CTIF: variants seen among roughly 807,000 people sequenced by gnomAD.
The protein encoded by CTIF is CBP80/20-dependent translation initiation factor.
In CTIF, 21 loss-of-function variants were observed where a neutral mutation model predicts 66.0. The ratio of observed to expected loss-of-function variants is 0.32; its 90% CI spans 0.23 to 0.46. CTIF has a LOEUF of 0.46. Among genes scored for constraint, CTIF ranks in the 20% least tolerant of loss-of-function variants. The probability of loss-of-function intolerance (pLI) is 1.00; values close to 1 mark genes in which losing one functional copy is unlikely to be tolerated. For synonymous variants in CTIF, 345 were observed against 326.4 expected (o/e 1.06, Z -0.62); for missense variants, 739 against 812.7 (o/e 0.91, Z 1.10).
intron 1 of CTIF, among the ~76,000 whole-genome samples, chr18:48,607,826 T>A (rs917268884): frequency 4.6e-5 from 7 of 152,236 alleles, no homozygotes; most frequent in African/African-American, 1.4e-4. Context: ...TGACACCATC[T>A]TCTATAATAG....
At chr18:48,620,977 GA>G (rs71165338) in intron 2 of CTIF, among the ~76,000 whole-genome samples, 19,672 of 147,984 alleles carry the variant, frequency 0.13, 1,526 homozygotes, top group Non-Finnish European at 0.18. Flanking sequence ...TCCTGAGGGA[GA>G]AAAAAAAAAA....
intron 2 of CTIF, among the ~76,000 whole-genome samples, chr18:48,622,618 A>G (rs542952531): frequency 1.3e-5 from 2 of 152,070 alleles, no homozygotes; most frequent in South Asian, 2.1e-4. Flanking sequence ...TCCTTTTTTT[A>G]ATATACAAAC....
At chr18:48,797,982 T>A (rs1360776470) in intron 9 of CTIF, among the ~76,000 whole-genome samples, 2 of 152,182 alleles carry the variant, frequency 1.3e-5, no homozygotes, top group South Asian at 4.1e-4. Flanking sequence ...TCTGCTCCTC[T>A]GACCACAGTC....
At chr18:48,570,254 A>C (rs1408717865) in intron 1 of CTIF, among the ~76,000 whole-genome samples, 1 of 152,252 alleles carries the variant, frequency 6.6e-6, no homozygotes. Context: ...CATGATTCTC[A>C]GCGGGTAAAA....
At chr18:48,582,577 C>A (rs934000197) in intron 1 of CTIF, among the ~76,000 whole-genome samples, 1 of 152,028 alleles carries the variant, frequency 6.6e-6, no homozygotes, top group African/African-American at 2.4e-5. Context: ...TGACCTTCCC[C>A]CTATGTGCTG....
chr18:48,559,091 C>G (rs2089090298), intron 1 of CTIF, among the ~76,000 whole-genome samples: 1 of 152,190 alleles, frequency 6.6e-6, no homozygotes, highest in Admixed American at 6.5e-5. Context: ...AATCAAAAAT[C>G]AGGATGAGTA....
chr18:48,790,446 A>C (rs1425827242), intron 9 of CTIF, among the ~76,000 whole-genome samples: 3 of 152,254 alleles, frequency 2.0e-5, no homozygotes, highest in Non-Finnish European at 4.4e-5. Context: ...GCCAGCAGGC[A>C]TGAGTCACCA....
intron 7 of CTIF, among the ~76,000 whole-genome samples, chr18:48,725,097 C>CT (rs2145601252): frequency 6.6e-6 from 1 of 152,294 alleles, no homozygotes; most frequent in Admixed American, 6.5e-5. Context: ...GTCTGGTGGT[C>CT]TGTGTGGCCA....
At chr18:48,783,792 C>T (rs1021255140) in intron 9 of CTIF, among the ~76,000 whole-genome samples, 5 of 152,128 alleles carry the variant, frequency 3.3e-5, no homozygotes, top group South Asian at 2.1e-4. Flanking sequence ...GGGAAACCTG[C>T]GGAGGCTGCC....
Position 48,664,459 on chromosome 18 carries a change from G to T in CTIF, c.339G>T (p.Trp113Cys). 6.2e-7 allele frequency: 1 copy of T among 1,613,626 alleles called. No homozygotes were observed. Among genetic ancestry groups the T allele is most frequent in the South Asian group, 1.1e-5 (1 of 91,086 alleles). The change falls in exon 5 of 12, where the codon TGG (tryptophan) becomes TGT (cysteine). Residue 113 changes from tryptophan to cysteine, a missense_variant. This residue lies in a region of CTIF where 529 missense variants were observed against 520.3 expected (regional missense o/e 1.02). Coordinates refer to ENST00000256413, the MANE Select transcript of CTIF (RefSeq NM_014772.3). Reference sequence around the variant, plus strand: ...CCTCGCCCTCTAGTGGTGCCACCTGGGACCTGCAGCCGGAAAAGCTGGACT... The same window carrying T: ...CCTCGCCCTCTAGTGGTGCCACCTGTGACCTGCAGCCGGAAAAGCTGGACT... The part of the protein sequence containing the change: ...NTFDSFSGAT[W>C]DLQPEKLDFT...
At chr18:48,833,416 G>A (rs758289422) in intron 10 of CTIF, among the ~76,000 whole-genome samples, 5 of 152,156 alleles carry the variant, frequency 3.3e-5, no homozygotes, top group Non-Finnish European at 5.9e-5. Context: ...TGTGGGCTCG[G>A]AGGTCCTGCA....
At chr18:48,709,228 A>G (rs1381433864) in intron 6 of CTIF, among the ~76,000 whole-genome samples, 5 of 152,240 alleles carry the variant, frequency 3.3e-5, no homozygotes, top group Non-Finnish European at 5.9e-5. Flanking sequence ...GTCTAACTCT[A>G]GAGCACAGGC....
At chr18:48,771,796 G>C (rs1460237443) in intron 9 of CTIF, among the ~76,000 whole-genome samples, 1 of 152,204 alleles carries the variant, frequency 6.6e-6, no homozygotes, top group Non-Finnish European at 1.5e-5. Flanking sequence ...CTTCCCCCCA[G>C]CTCTGTGAGC....
intron 9 of CTIF, among the ~76,000 whole-genome samples, chr18:48,799,797 T>C (rs1159275666): frequency 6.6e-6 from 1 of 152,174 alleles, no homozygotes; most frequent in Non-Finnish European, 1.5e-5. Context: ...ACTGAGGGCC[T>C]CCAGGGGCCT....
At chr18:48,731,691 G>A (rs192523681) in intron 7 of CTIF, among the ~76,000 whole-genome samples, 7 of 152,190 alleles carry the variant, frequency 4.6e-5, no homozygotes, top group African/African-American at 7.2e-5. Context: ...TTTTTAGCGG[G>A]TTGGGACCAG....
intron 5 of CTIF, among the ~76,000 whole-genome samples, chr18:48,664,842 C>T (rs1056559209): frequency 6.6e-6 from 1 of 151,910 alleles, no homozygotes; most frequent in Non-Finnish European, 1.5e-5. Flanking sequence ...TGGGCGGTGG[C>T]ACAGAGGACA....
At chr18:48,817,423 G>C in intron 10 of CTIF, 47 bp downstream of exon 10, 1 of 1,566,868 alleles carries the variant, frequency 6.4e-7, no homozygotes, top group Non-Finnish European at 8.7e-7. Flanking sequence ...GACAGCACCA[G>C]GTCTGGAATG....
chr18:48,620,138 G>A (rs2090467969), intron 2 of CTIF, among the ~76,000 whole-genome samples: 1 of 152,210 alleles, frequency 6.6e-6, no homozygotes, highest in Admixed American at 6.5e-5. Flanking sequence ...TATAACTTGT[G>A]AATATTTTCT....
At chr18:48,616,882 A>G (rs1048622478) in intron 1 of CTIF, among the ~76,000 whole-genome samples, 7 of 152,250 alleles carry the variant, frequency 4.6e-5, no homozygotes, top group Non-Finnish European at 1.0e-4. Flanking sequence ...TGACAGGTTC[A>G]GTGTGAGCAA....
Sources: allele counts gnomAD v4.1 joint callset (sites outside exome capture counted in the v4.1 genomes callset), GRCh38; gene constraint gnomAD v4.1.1; regional missense constraint gnomAD v4.1.1; transcripts MANE v1.5; gene names NCBI Gene and HGNC (gene_info 2026-07-23, HGNC 2026-07-21).